The following HTR7 variants were observed in gnomAD, a reference collection of about 807,000 sequenced individuals.
HTR7 encodes the protein 5-HT-7.
HTR7 carries 16 observed loss-of-function variants against 34.0 expected under a neutral mutation model. That is an observed-to-expected ratio of 0.47 (90% CI 0.32 to 0.71). The LOEUF (loss-of-function observed/expected upper bound fraction) is 0.71. Among genes scored for constraint, HTR7 ranks in the 30% least tolerant of loss-of-function variants. HTR7 has a pLI of 0.04. For missense variants in HTR7, 504 were observed against 625.5 expected (o/e 0.81, Z 2.07); for synonymous variants, 265 against 260.2 (o/e 1.02, Z -0.18).
intron 1 of HTR7, among the ~76,000 whole-genome samples, chr10:90,827,374 T>C (rs1846095144): frequency 1.3e-5 from 2 of 152,140 alleles, no homozygotes; most frequent in Admixed American, 6.5e-5. Context: ...AGTGAGACCA[T>C]GTCTCTACTA....
intron 1 of HTR7, among the ~76,000 whole-genome samples, chr10:90,750,325 G>C (rs983193481): frequency 6.6e-6 from 1 of 152,056 alleles, no homozygotes; most frequent in Admixed American, 6.5e-5. Context: ...AAAAATGTTA[G>C]GGAAATCCAA....
At chr10:90,828,500 A>C (rs1846114058) in intron 1 of HTR7, among the ~76,000 whole-genome samples, 1 of 152,148 alleles carries the variant, frequency 6.6e-6, no homozygotes, top group African/African-American at 2.4e-5. Flanking sequence ...AATAAATAAA[A>C]TCAGAGATGA....
chr10:90,805,405 A>G (rs1389628909), intron 1 of HTR7, among the ~76,000 whole-genome samples: 1 of 152,266 alleles, frequency 6.6e-6, no homozygotes, highest in African/African-American at 2.4e-5. Context: ...ACATCTTTAA[A>G]GGAAATCATC....
At chr10:90,824,466 G>A (rs1048890521) in intron 1 of HTR7, among the ~76,000 whole-genome samples, 1 of 152,208 alleles carries the variant, frequency 6.6e-6, no homozygotes, top group Admixed American at 6.5e-5. Context: ...GTAGCCAAGG[G>A]GAGGGATTCC....
chr10:90,805,443 C>T (rs1845690187), intron 1 of HTR7, among the ~76,000 whole-genome samples: 1 of 152,190 alleles, frequency 6.6e-6, no homozygotes, highest in South Asian at 2.1e-4. Flanking sequence ...TGTCTCTGCA[C>T]CTAAACCGCT....
chr10:90,794,215 T>A (rs1414150628), intron 1 of HTR7, among the ~76,000 whole-genome samples: 3 of 152,182 alleles, frequency 2.0e-5, no homozygotes, highest in Non-Finnish European at 4.4e-5. Flanking sequence ...AATATCACTG[T>A]CTTCCACTTC....
intron 1 of HTR7, among the ~76,000 whole-genome samples, chr10:90,756,558 G>A (rs949193373): frequency 6.6e-6 from 1 of 152,108 alleles, no homozygotes; most frequent in African/African-American, 2.4e-5. Context: ...CCTCAGCATT[G>A]AGGGAGAGAA....
chr10:90,752,997 AAAAT>A (rs1256960960), intron 1 of HTR7, among the ~76,000 whole-genome samples: 1 of 152,374 alleles, frequency 6.6e-6, no homozygotes, highest in South Asian at 2.1e-4. Context: ...TGTAACAAAC[AAAAT>A]AAATAAGTGA....
At chr10:90,773,109 G>C (rs1845144409) in intron 1 of HTR7, among the ~76,000 whole-genome samples, 1 of 152,102 alleles carries the variant, frequency 6.6e-6, no homozygotes, top group Non-Finnish European at 1.5e-5. Flanking sequence ...TTCTAGTTGG[G>C]AAAAACTCAG....
chr10:90,757,080 G>A (rs981931265), intron 1 of HTR7, among the ~76,000 whole-genome samples: 1 of 152,058 alleles, frequency 6.6e-6, no homozygotes, highest in African/African-American at 2.4e-5. Flanking sequence ...AAATTTATCA[G>A]CAATAATAAA....
chr10:90,762,567 T>C (rs1390948958), intron 1 of HTR7, among the ~76,000 whole-genome samples: 2 of 152,224 alleles, frequency 1.3e-5, no homozygotes, highest in Admixed American at 1.3e-4. Flanking sequence ...CTGAATATTT[T>C]CTCCCATTCT....
chr10:90,857,105 G>T lies in HTR7; in HGVS notation c.539+28C>A, dbSNP rs748846126. The T allele has an allele frequency of 1.9e-5, 29 of 1,512,516 alleles. No individual in the cohort carries two copies. The South Asian group carries it at 3.5e-4, about 18-fold the overall frequency. 93.7% of individuals were successfully genotyped at this position (1,512,516 alleles called of 1,614,324 possible). On this transcript the variant is annotated intron_variant, in intron 1 of 3. Coordinates refer to ENST00000336152, the MANE Select transcript of HTR7 (RefSeq NM_019859.4). The surrounding 1 kb of genome is among the most constrained non-coding windows in gnomAD (Gnocchi z 6.5). ...AGCTGCCAGCCGGTCCCCAGCCGGA[G>T]CCTGGGACGGGGCGGTCCGGCCCTT...
chr10:90,793,782 G>A (rs928181970), intron 1 of HTR7, among the ~76,000 whole-genome samples: 4 of 152,130 alleles, frequency 2.6e-5, no homozygotes, highest in East Asian at 1.9e-4. Context: ...AGGGAAGCTC[G>A]ACAGTGCAGC....
At chr10:90,853,965 T>C (rs556551436) in intron 1 of HTR7, among the ~76,000 whole-genome samples, 2 of 152,304 alleles carry the variant, frequency 1.3e-5, no homozygotes, top group South Asian at 2.1e-4. Flanking sequence ...GCAGCTTAAC[T>C]GTGAAGCAGA....
intron 1 of HTR7, among the ~76,000 whole-genome samples, chr10:90,843,388 G>A (rs2185706): frequency 0.21 from 32,469 of 152,148 alleles, 4,475 homozygotes; most frequent in African/African-American, 0.38. Flanking sequence ...AAATTGAGGT[G>A]AGAATTAGGA....
At chr10:90,785,277 G>A (rs367682096) in intron 1 of HTR7, among the ~76,000 whole-genome samples, 58 of 152,288 alleles carry the variant, frequency 3.8e-4, no homozygotes, top group African/African-American at 2.9e-4. Context: ...GCAGAAAACC[G>A]TAGCAAAAAC....
intron 1 of HTR7, among the ~76,000 whole-genome samples, chr10:90,782,619 T>G (rs1343904136): frequency 6.6e-6 from 1 of 152,070 alleles, no homozygotes; most frequent in African/African-American, 2.4e-5. Context: ...GGCATTCTGA[T>G]AAATAAATAA....
At chr10:90,838,833 T>C (rs1263946302) in intron 1 of HTR7, among the ~76,000 whole-genome samples, 1 of 152,212 alleles carries the variant, frequency 6.6e-6, no homozygotes, top group Non-Finnish European at 1.5e-5. Flanking sequence ...AGGCCCTCCA[T>C]GATCACCCAC....
intron 1 of HTR7, among the ~76,000 whole-genome samples, chr10:90,776,843 G>A (rs115195470): frequency 0.012 from 1,817 of 152,168 alleles, 39 homozygotes; most frequent in African/African-American, 0.042. Context: ...AAGGCTACAC[G>A]GTCTCAGTGT....
Sources: gnomAD v4.1 joint callset for allele counts (sites outside exome capture counted in the v4.1 genomes callset) on GRCh38, gnomAD v4.1.1 for gene constraint, Gnocchi (gnomAD v3.1) non-coding constraint, MANE v1.5 for transcripts, NCBI Gene and HGNC (gene_info 2026-07-23, HGNC 2026-07-21) for gene names.